Variants in SRGAP3 observed in about 807,000 individuals in gnomAD.
SRGAP3 encodes SLIT-ROBO Rho GTPase activating protein 3.
A neutral mutation model predicts 121.1 loss-of-function variants in SRGAP3; 39 were observed. The observed-to-expected ratio is 0.32, with a 90% confidence interval of 0.25 to 0.42. SRGAP3 has a LOEUF of 0.42. Ranked by LOEUF, SRGAP3 falls within the 10% of genes least tolerant of loss-of-function variation. The pLI is 1.00. For missense variants in SRGAP3, 1,213 were observed against 1,470.6 expected, an observed-to-expected ratio of 0.82 and a Z score of 2.86; for synonymous variants, 601 against 570.0, an observed-to-expected ratio of 1.05 and a Z score of -0.77.
In SRGAP3 at chr3:9,109,666, T is replaced by G. The variant is rs1028014712; in HGVS notation, c.261-4824A>C. Among the ~76,000 whole-genome samples, 6 of 152,090 alleles carry G rather than the reference T, an allele frequency of 3.9e-5. No individual in the cohort carries two copies. The highest frequency in any genetic ancestry group is 8.8e-5 in the Non-Finnish European group (6 of 68,002). ...AACAGAAAGTGATGAGGCAGCCTCA[T>G]CAGTGCAGTCATGGGAAGGAGGCTA... On this transcript the variant is annotated intron_variant, in intron 2 of 21. Coordinates refer to ENST00000383836, the MANE Select transcript of SRGAP3 (RefSeq NM_014850.4). The surrounding 1 kb of genome is among the most constrained non-coding windows in gnomAD (Gnocchi z 4.4).
chr3:9,204,068 C>G (rs772910676), intron 1 of SRGAP3, among the ~76,000 whole-genome samples: 2 of 152,204 alleles, frequency 1.3e-5, no homozygotes, highest in Non-Finnish European at 2.9e-5. Flanking sequence ...CACCACCACC[C>G]CTAGCCCTGT....
intron 17 of SRGAP3, 45 bp downstream of exon 17, chr3:9,013,263 A>C: frequency 6.3e-7 from 1 of 1,575,148 alleles, no homozygotes; most frequent in Non-Finnish European, 8.7e-7. Flanking sequence ...TTCAATGGCA[A>C]TAACAATGAC....
rs1451772214 is a variant in SRGAP3, at chr3:9,104,792, T to C, written c.311A>G (p.His104Arg). Residue 104 changes from histidine to arginine, a missense_variant, in exon 3 of 22, where the codon CAT (histidine) becomes CGT (arginine). Physicochemically the swap from His to Arg is conservative, Grantham distance 29. Coordinates refer to ENST00000383836, the MANE Select transcript of SRGAP3 (RefSeq NM_014850.4). ...SPVNCWYLVLHQTRRESRDHA... is the reference protein window; with the variant it reads ...SPVNCWYLVLRQTRRESRDHA... ...GTCTCGGCTCTCCCGCCGGGTCTGATGCAGAACCAGATACCAACAGTTCAC... is the reference window on the plus strand; with the variant it reads ...GTCTCGGCTCTCCCGCCGGGTCTGACGCAGAACCAGATACCAACAGTTCAC... 3.7e-6 allele frequency: 6 copies of C among 1,614,136 alleles called. No homozygotes were observed. The highest frequency in any genetic ancestry group is 1.7e-5 in the Admixed American group (1 of 60,010).
chr3:9,124,688 G>A lies in SRGAP3; in HGVS notation c.260+37C>T, dbSNP rs1163125256. The A allele has an allele frequency of 2.5e-6, 4 of 1,612,558 alleles. No homozygotes were observed. The African/African-American group carries it at 4.0e-5, about 16-fold the overall frequency. On this transcript the variant is annotated intron_variant, in intron 2 of 21. Transcript: ENST00000383836. ...CCAACTGTCCGCCCACCCCAGTGCT[G>A]CCTCCCATCTCTGTGCACCCATACC...
At chr3:9,307,890 C>T (rs1215302946) in intron 3 of SRGAP3, among the ~76,000 whole-genome samples, 1 of 152,236 alleles carries the variant, frequency 6.6e-6, no homozygotes, top group African/African-American at 2.4e-5. Flanking sequence ...CGTGGCAGCT[C>T]ACACCTGTAA....
intron 1 of SRGAP3, among the ~76,000 whole-genome samples, chr3:9,181,516 T>C (rs944040818): frequency 6.6e-6 from 1 of 152,224 alleles, no homozygotes; most frequent in Non-Finnish European, 1.5e-5. Flanking sequence ...TCATGAATGG[T>C]GGCTGTGGCA....
chr3:9,295,604 A>AT (rs943544899), intron 3 of SRGAP3, among the ~76,000 whole-genome samples: 1 of 151,524 alleles, frequency 6.6e-6, no homozygotes, highest in African/African-American at 2.4e-5. Context: ...AGAGATTTCC[A>AT]TTTTTTAGCT....
chr3:9,197,722 T>C (rs1371793500), intron 1 of SRGAP3, among the ~76,000 whole-genome samples: 2 of 152,208 alleles, frequency 1.3e-5, no homozygotes, highest in Admixed American at 6.5e-5. Flanking sequence ...TCACCGGCAT[T>C]TTCCAAAGCA....
At chr3:9,336,314 A>G (rs1955693162) in intron 1 of SRGAP3, among the ~76,000 whole-genome samples, 1 of 151,726 alleles carries the variant, frequency 6.6e-6, no homozygotes, top group African/African-American at 2.4e-5. Context: ...ACTCCTGGAG[A>G]GAAGGATCCT....
At chr3:9,193,438 A>T (rs951994993) in intron 1 of SRGAP3, 6 of 152,380 alleles carry the variant, frequency 3.9e-5, no homozygotes, top group African/African-American at 1.4e-4. Flanking sequence ...GAATCACAAG[A>T]AAGGCATCAG....
intron 1 of SRGAP3, among the ~76,000 whole-genome samples, chr3:9,214,432 C>G (rs1325991259): frequency 6.6e-6 from 1 of 152,174 alleles, no homozygotes; most frequent in Non-Finnish European, 1.5e-5. Context: ...TGCACAAACC[C>G]AGGCTTTCTG....
chr3:8,982,982 T>A lies in SRGAP3; in HGVS notation c.*2537A>T. 2 of 229,288 alleles carry A rather than the reference T, an allele frequency of 8.7e-6. No homozygotes were observed. Among genetic ancestry groups the A allele is most frequent in the Non-Finnish European group, 1.7e-5 (2 of 115,560 alleles). 14.2% of individuals were successfully genotyped at this position (229,288 alleles called of 1,614,324 possible). On this transcript the variant is annotated 3_prime_UTR_variant, in exon 22 of 22. Transcript: ENST00000383836. ...AATCCACACGGTCTGATTGGTGTTA[T>A]GTATATCAGGCAACAGATTTTTCTA...
At chr3:9,064,649 T>A in intron 4 of SRGAP3, 68 bp from the exon 5 acceptor site, 1 of 1,578,586 alleles carries the variant, frequency 6.3e-7, no homozygotes, top group Non-Finnish European at 8.6e-7. Context: ...CTGTTACTCC[T>A]GGCTCCATAC....
At position 9,074,844 on chromosome 3, in the gene SRGAP3, G is replaced by C. The variant is rs1275470339; in HGVS notation, c.486+5181C>G. 5.9e-5 allele frequency among the ~76,000 whole-genome samples: 9 copies of C among 152,300 alleles called. No homozygotes were observed. The East Asian group carries it at 1.7e-3, about 29-fold the overall frequency. On this transcript the variant is annotated intron_variant, in intron 4 of 21. Transcript: ENST00000383836. ...ATGGCTCCAGTTAGGGTCTACCTGT[G>C]ACCAGCTGCTACTGGGTATGAATGG...
chr3:9,324,956 C>CAA (rs879672779), intron 3 of SRGAP3, among the ~76,000 whole-genome samples: 2 of 141,214 alleles, frequency 1.4e-5, no homozygotes, highest in African/African-American at 5.2e-5. Context: ...GACTCCATCT[C>CAA]AAAAAAAAAA....
At chr3:9,327,143 G>T (rs1955533777) in intron 2 of SRGAP3, among the ~76,000 whole-genome samples, 1 of 151,724 alleles carries the variant, frequency 6.6e-6, no homozygotes, top group South Asian at 2.1e-4. Flanking sequence ...AATCTATTCA[G>T]TTTTAATCAG....
intron 3 of SRGAP3, among the ~76,000 whole-genome samples, chr3:9,262,542 A>AAAAAAAAAAAAAAAAAAAAAAAAAAG: frequency 6.8e-6 from 1 of 146,130 alleles, no homozygotes; most frequent in Non-Finnish European, 1.5e-5. Flanking sequence ...AGCAAAAAAA[A>AAAAAAAAAAAAAAAAAAAAAAAAAAG]AAAAAAAAAA....
At chr3:9,025,534 A>T (rs1336879185) in intron 13 of SRGAP3, among the ~76,000 whole-genome samples, 196 bp from the exon 14 acceptor site, 4 of 152,184 alleles carry the variant, frequency 2.6e-5, no homozygotes, top group Admixed American at 6.5e-5. Flanking sequence ...CCTTGGACAC[A>T]TCTGCTTCAA....
At chr3:9,242,955 G>A (rs537072114) in intron 1 of SRGAP3, among the ~76,000 whole-genome samples, 2 of 152,276 alleles carry the variant, frequency 1.3e-5, no homozygotes, top group Admixed American at 6.5e-5. Flanking sequence ...AAAGTGCTGG[G>A]ACTACAGACA....
Sources: gnomAD v4.1 joint callset for allele counts (sites outside exome capture counted in the v4.1 genomes callset) on GRCh38, gnomAD v4.1.1 for gene constraint, Gnocchi (gnomAD v3.1) non-coding constraint, MANE v1.5 for transcripts, NCBI Gene and HGNC (gene_info 2026-07-23, HGNC 2026-07-21) for gene names.